Variants in NBPF20 observed in about 807,000 individuals in gnomAD.
NBPF20 encodes NBPF family member NBPF20.
Under a neutral mutation model 68.1 loss-of-function variants are expected in NBPF20, and 90 were observed. That is an observed-to-expected ratio of 1.32 (90% CI 1.11 to 1.58). NBPF20 has a LOEUF of 1.58. Ranked by LOEUF, NBPF20 falls within the 40% of genes most tolerant of loss-of-function variation. The pLI is 0.00. For missense variants in NBPF20, 816 were observed against 601.2 expected (o/e 1.36, Z -3.74); for synonymous variants, 290 against 228.1 (o/e 1.27, Z -2.45).
chr1:145,405,298 G>A, exon 2 of NBPF20: 1 of 1,596,628 alleles, frequency 6.3e-7, no homozygotes. Context: ...AGAAGAGGTG[G>A]AGTCAGGGAC....
rs1302564732 is a variant in NBPF20, at chr1:145,400,376, A to C, written c.775+10T>G. 1.2e-6 allele frequency: 2 copies of C among 1,612,520 alleles called. No individual in the cohort carries two copies. The highest frequency in any genetic ancestry group is 1.3e-5 in the African/African-American group (1 of 74,988). ...TAGAGAGAGGTATGAGACACAAGGA[A>C]AACAGAGGCTACCTGGAATAATGTG... On this transcript the variant is annotated intron_variant, in intron 6 of 137. Transcript: ENST00000369373.
At position 145,402,868 on chromosome 1, in the gene NBPF20, A is replaced by T. The variant is rs1363810867; in HGVS notation, c.278+348T>A. On this transcript the variant is annotated intron_variant, in intron 3 of 137. Transcript: ENST00000369373. ...GAATGAGAAGCCGCAGTCAGTCAGG[A>T]GGTGATTGTCACTAAGGGTAAGTGG... Among the ~76,000 whole-genome samples, 173 of 151,040 alleles carry T rather than the reference A, an allele frequency of 1.1e-3. 3 individuals carry two copies. The highest frequency in any genetic ancestry group is 2.9e-4 in the Non-Finnish European group (20 of 67,848).
intron 136 of NBPF20, 29 bp from the exon 142 acceptor site, chr1:145,292,518 C>T (rs782436992): frequency 5.8e-6 from 4 of 695,100 alleles, no homozygotes; most frequent in East Asian, 4.9e-5. Flanking sequence ...TGGACAGACA[C>T]ATTAAGCTGA....
At chr1:145,394,099 A>G (rs1171643149) in intron 8 of NBPF20, among the ~76,000 whole-genome samples, 164 bp from the exon 14 acceptor site, 1 of 152,022 alleles carries the variant, frequency 6.6e-6, no homozygotes, top group Non-Finnish European at 1.5e-5. Flanking sequence ...GTCTTGAGAA[A>G]ACTGGCTTGG....
chr1:145,292,441 T>TTTGATCTTCTTCCCCTTCTTTTCTTCC (rs1661185222), exon 137 of NBPF20: 2 of 712,156 alleles, frequency 2.8e-6, no homozygotes, highest in South Asian at 1.5e-5. Flanking sequence ...TCTTTTCTTC[T>TTTGATCTTCTTCCCCTTCTTTTCTTCC]TTGATCTTCT....
rs1230266884 is a variant in NBPF20, at chr1:145,292,579, A to C, written c.16589-90T>G. On this transcript the variant is annotated intron_variant, in intron 136 of 137. Coordinates refer to ENST00000369373, the Ensembl canonical transcript of NBPF20. ...TGTCTAATCCTCACACAGGGACCTCAGGCTCCCCAGCATAAGAATAGGACA... is the reference window on the plus strand; with the variant it reads ...TGTCTAATCCTCACACAGGGACCTCCGGCTCCCCAGCATAAGAATAGGACA... 12 of 742,398 alleles carry C rather than the reference A, an allele frequency of 1.6e-5. 1 individual carries two copies. Among genetic ancestry groups the C allele is most frequent in the East Asian group, 2.5e-5 (1 of 40,588 alleles). 46.0% of individuals were successfully genotyped at this position (742,398 alleles called of 1,614,324 possible).
At chr1:145,424,613 C>T in the NBPF20 span, among the ~76,000 whole-genome samples, 1 of 152,194 alleles carries the variant, frequency 6.6e-6, no homozygotes, top group African/African-American at 2.4e-5. Context: ...GCAGCTCTAG[C>T]AGCAAAAGAT....
At chr1:145,404,794 G>A (rs2101588984) in intron 2 of NBPF20, among the ~76,000 whole-genome samples, 1 of 151,552 alleles carries the variant, frequency 6.6e-6, no homozygotes, top group South Asian at 2.1e-4. Flanking sequence ...ATCTTATATG[G>A]TACAGAGAGG....
intron 5 of NBPF20, among the ~76,000 whole-genome samples, chr1:145,400,848 A>T (rs1662489242): frequency 6.6e-6 from 1 of 151,984 alleles, no homozygotes; most frequent in Admixed American, 6.5e-5. Flanking sequence ...ATGAAGACTC[A>T]GCTATCCCTG....
At chr1:145,411,487 G>T in the NBPF20 span, among the ~76,000 whole-genome samples, 1 of 109,786 alleles carries the variant, frequency 9.1e-6, no homozygotes, top group Non-Finnish European at 1.9e-5. Flanking sequence ...TGCCTCCCAG[G>T]TTCAAGTGAT....
exon 8 of NBPF20, chr1:145,395,090 T>C: frequency 6.2e-7 from 1 of 1,608,722 alleles, no homozygotes; most frequent in Non-Finnish European, 8.5e-7. Flanking sequence ...TCGAATAACC[T>C]TCATCCCAGG....
At chr1:145,291,312 A>G (rs1195382995) in exon 138 of NBPF20, 1 of 720,932 alleles carries the variant, frequency 1.4e-6, no homozygotes, top group South Asian at 1.8e-5. Context: ...CATGTGCTGC[A>G]CAGTTATGTG....
intron 7 of NBPF20, among the ~76,000 whole-genome samples, chr1:145,397,722 T>G (rs1662326152): frequency 6.6e-6 from 1 of 152,154 alleles, no homozygotes; most frequent in African/African-American, 2.4e-5. Flanking sequence ...AGGATCAAAT[T>G]CACACATAAC....
chr1:145,402,369 G>C, exon 4 of NBPF20: 1 of 1,605,074 alleles, frequency 6.2e-7, no homozygotes, highest in South Asian at 1.1e-5. Context: ...CGTGAACCAG[G>C]ACTTTATATT....
chr1:145,409,505 G>C (rs587645020), upstream of NBPF20, among the ~76,000 whole-genome samples: 1 of 149,274 alleles, frequency 6.7e-6, no homozygotes, highest in South Asian at 2.2e-4. Flanking sequence ...GTTTTGCCTA[G>C]GTTTTTCCTG....
chr1:145,291,106 C>T, exon 138 of NBPF20: 1 of 283,556 alleles, frequency 3.5e-6, no homozygotes, highest in East Asian at 8.8e-5. Context: ...CAAGCCAACA[C>T]TGAAGACACA....
At chr1:145,409,876 G>A (rs1571385192), upstream of NBPF20, among the ~76,000 whole-genome samples, 2 of 151,436 alleles carry the variant, frequency 1.3e-5, no homozygotes, top group Non-Finnish European at 3.0e-5. Flanking sequence ...GAGTTGGTCT[G>A]GTGATAATTT....
the NBPF20 span, among the ~76,000 whole-genome samples, chr1:145,411,399 T>G: frequency 7.2e-6 from 1 of 138,790 alleles, no homozygotes. Flanking sequence ...TTTTTTTTTT[T>G]TTTTTTTTTT....
intron 7 of NBPF20, among the ~76,000 whole-genome samples, chr1:145,396,749 T>A (rs1394618465): frequency 2.9e-5 from 3 of 104,774 alleles, no homozygotes; most frequent in African/African-American, 1.2e-4. Flanking sequence ...ATTTTTTGTG[T>A]GTATGTATAT....
Sources: allele counts gnomAD v4.1 joint callset (sites outside exome capture counted in the v4.1 genomes callset), GRCh38; gene constraint gnomAD v4.1.1; transcripts MANE v1.5; gene names NCBI Gene and HGNC (gene_info 2026-07-23, HGNC 2026-07-21).